Variants in CADM1 observed in about 807,000 individuals in gnomAD.
CADM1 encodes the protein TSLC-1.
CADM1 carries 15 observed loss-of-function variants against 53.1 expected under a neutral mutation model. The observed-to-expected ratio is 0.28, with a 90% CI of 0.19 to 0.44. The LOEUF (loss-of-function observed/expected upper bound fraction) is 0.44. CADM1 is among the 20% of genes least tolerant of loss of function. The pLI, the probability that CADM1 is intolerant of heterozygous loss-of-function variation, is 1.00. For missense variants in CADM1, 434 were observed against 611.3 expected, an observed-to-expected ratio of 0.71 and a Z score of 3.06; for synonymous variants, 281 against 243.0, an observed-to-expected ratio of 1.16 and a Z score of -1.45.
intron 10 of CADM1, among the ~76,000 whole-genome samples, chr11:115,181,355 C>T (rs935921183): frequency 6.6e-6 from 1 of 152,172 alleles, no homozygotes; most frequent in Non-Finnish European, 1.5e-5. Context: ...TTTTTCCCTG[C>T]ACTTTGCCCA....
At chr11:115,299,587 A>G (rs908486783) in intron 1 of CADM1, among the ~76,000 whole-genome samples, 2 of 152,340 alleles carry the variant, frequency 1.3e-5, no homozygotes, top group Non-Finnish European at 2.9e-5. Context: ...ATATTTATAT[A>G]GTATATAGAA....
At chr11:115,335,832 A>C (rs1218178248) in intron 1 of CADM1, among the ~76,000 whole-genome samples, 9 of 152,168 alleles carry the variant, frequency 5.9e-5, no homozygotes, top group Non-Finnish European at 1.0e-4. Flanking sequence ...ATGGTTCATT[A>C]GGAAGCTGTC....
intron 1 of CADM1, among the ~76,000 whole-genome samples, chr11:115,403,422 G>T (rs1174616530): frequency 1.3e-5 from 2 of 152,184 alleles, no homozygotes; most frequent in East Asian, 3.8e-4. Context: ...ATAAAGTCTG[G>T]AGATTAGATA....
chr11:115,236,687 A>T (rs1366936866), intron 3 of CADM1, among the ~76,000 whole-genome samples: 1 of 152,184 alleles, frequency 6.6e-6, no homozygotes, highest in East Asian at 1.9e-4. Context: ...AGGCAGTAGT[A>T]ACTGCTTGCC....
chr11:115,183,308 C>G, intron 10 of CADM1, among the ~76,000 whole-genome samples: 1 of 152,330 alleles, frequency 6.6e-6, no homozygotes, highest in South Asian at 2.1e-4. Flanking sequence ...CAGGGCTCTG[C>G]AAGAGATCCT....
At chr11:115,464,450 G>A (rs1373113123) in intron 1 of CADM1, among the ~76,000 whole-genome samples, 1 of 152,074 alleles carries the variant, frequency 6.6e-6, no homozygotes, top group African/African-American at 2.4e-5. Context: ...CATTTTCTAA[G>A]CCTGACTTAA....
chr11:115,267,295 G>T (rs1384717408), intron 1 of CADM1, among the ~76,000 whole-genome samples: 1 of 152,304 alleles, frequency 6.6e-6, no homozygotes, highest in South Asian at 2.1e-4. Context: ...ACAAACTTTC[G>T]ATTTGTTTGG....
intron 1 of CADM1, among the ~76,000 whole-genome samples, chr11:115,338,063 G>T (rs1945314186): frequency 6.6e-6 from 1 of 152,086 alleles, no homozygotes; most frequent in Non-Finnish European, 1.5e-5. Flanking sequence ...GAAGCGAGTA[G>T]ATGAATTGAG....
At position 115,224,975 on chromosome 11, in the gene CADM1, C is replaced by T. The variant is rs1941548889; in HGVS notation, c.721+4138G>A. 2.0e-5 allele frequency among the ~76,000 whole-genome samples: 3 copies of T among 152,260 alleles called. No individual in the cohort carries two copies. The South Asian group carries it at 6.2e-4, about 32-fold the overall frequency. On this transcript the variant is annotated intron_variant, in intron 5 of 11. Coordinates refer to ENST00000331581, the MANE Select transcript of CADM1 (RefSeq NM_001301043.2). ...ACTGAAAGATTTTAGGGTCATACAGCTCGGAACATTAAAAAGCAAAACTGT... is the reference window on the plus strand; with the variant it reads ...ACTGAAAGATTTTAGGGTCATACAGTTCGGAACATTAAAAAGCAAAACTGT...
At chr11:115,246,863 T>G (rs567872724) in intron 1 of CADM1, among the ~76,000 whole-genome samples, 1 of 152,278 alleles carries the variant, frequency 6.6e-6, no homozygotes, top group Non-Finnish European at 1.5e-5. Flanking sequence ...GAAAAATATT[T>G]TATTTAATTT....
rs1004300668 is a variant in CADM1, at chr11:115,197,611, A to C, written c.1111+795T>G. ...TTGGTGAGATGGGGAAAAAGAGATCATATTTCCTGATGCCCCTCCTGAGCT... is the reference window on the plus strand; with the variant it reads ...TTGGTGAGATGGGGAAAAAGAGATCCTATTTCCTGATGCCCCTCCTGAGCT... On this transcript the variant is annotated intron_variant, in intron 9 of 11. Transcript: ENST00000331581. Among the ~76,000 whole-genome samples the C allele has an allele frequency of 2.6e-4, 40 of 152,308 alleles. 1 individual carries two copies. The highest frequency in any genetic ancestry group is 9.6e-4 in the African/African-American group (40 of 41,564).
chr11:115,269,472 G>T (rs933021050), intron 1 of CADM1, among the ~76,000 whole-genome samples: 5 of 152,134 alleles, frequency 3.3e-5, no homozygotes, highest in African/African-American at 1.2e-4. Flanking sequence ...ACAAAATGAG[G>T]TTTATGCTCC....
intron 1 of CADM1, among the ~76,000 whole-genome samples, chr11:115,319,429 A>G (rs1944763377): frequency 6.6e-6 from 1 of 152,228 alleles, no homozygotes; most frequent in Non-Finnish European, 1.5e-5. Flanking sequence ...GAAGCACCAT[A>G]CGTGCCCTGG....
intron 10 of CADM1, among the ~76,000 whole-genome samples, chr11:115,184,346 CTGAA>C (rs1461515079): frequency 6.6e-6 from 1 of 152,224 alleles, no homozygotes; most frequent in Non-Finnish European, 1.5e-5. Context: ...GGGGAACAAA[CTGAA>C]TGGCATGCGC....
intron 1 of CADM1, among the ~76,000 whole-genome samples, chr11:115,458,493 AATTATTATTATTATT>A (rs67114126): frequency 7.7e-5 from 11 of 143,636 alleles, no homozygotes; most frequent in East Asian, 2.0e-4. Context: ...TGTTAGCTGT[AATTATTATTATTATT>A]ATTATTATTA....
intron 1 of CADM1, among the ~76,000 whole-genome samples, chr11:115,437,432 A>C (rs933491135): frequency 1.3e-5 from 2 of 152,218 alleles, no homozygotes; most frequent in African/African-American, 4.8e-5. Flanking sequence ...CACATCAGCC[A>C]AAAACTGCCA....
intron 1 of CADM1, among the ~76,000 whole-genome samples, chr11:115,349,414 C>G (rs1350052637): frequency 6.6e-6 from 1 of 152,172 alleles, no homozygotes; most frequent in Non-Finnish European, 1.5e-5. Flanking sequence ...GACAACCCAA[C>G]CAATTCTGTT....
At chr11:115,473,118 A>G (rs1251179833) in intron 1 of CADM1, among the ~76,000 whole-genome samples, 2 of 152,228 alleles carry the variant, frequency 1.3e-5, no homozygotes, top group Non-Finnish European at 2.9e-5. Flanking sequence ...TAGGCAAGGT[A>G]CTTAATTTGA....
chr11:115,420,918 T>G (rs1947738592), intron 1 of CADM1, among the ~76,000 whole-genome samples: 1 of 152,186 alleles, frequency 6.6e-6, no homozygotes, highest in Non-Finnish European at 1.5e-5. Context: ...GCTAGGTCAT[T>G]TGCCATACAC....
Sources: gnomAD v4.1 joint callset for allele counts (sites outside exome capture counted in the v4.1 genomes callset) on GRCh38, gnomAD v4.1.1 for gene constraint, MANE v1.5 for transcripts, NCBI Gene and HGNC (gene_info 2026-07-23, HGNC 2026-07-21) for gene names.